DDX4: variants seen among roughly 807,000 people sequenced by gnomAD.
The protein encoded by DDX4 is DEAD-box helicase 4, also known as probable ATP-dependent RNA helicase DDX4.
In DDX4, 25 loss-of-function variants were observed where a neutral mutation model predicts 100.0. The ratio of observed to expected loss-of-function variants is 0.25; its 90% CI spans 0.18 to 0.35. DDX4 has a LOEUF of 0.35. Among genes scored for constraint, DDX4 ranks in the 10% least tolerant of loss-of-function variants. DDX4 has a pLI of 1.00. For synonymous variants in DDX4, 259 were observed against 275.7 expected, an observed-to-expected ratio of 0.94 and a Z score of 0.60; for missense variants, 635 against 882.4, an observed-to-expected ratio of 0.72 and a Z score of 3.55.
At chr5:55,761,865 C>G (rs999724988) in intron 4 of DDX4, among the ~76,000 whole-genome samples, 1 of 152,180 alleles carries the variant, frequency 6.6e-6, no homozygotes. Flanking sequence ...CTGCCTCGGC[C>G]TCCCAGTGTG....
chr5:55,775,375 G>A (rs1246400871), intron 7 of DDX4, among the ~76,000 whole-genome samples: 1 of 152,194 alleles, frequency 6.6e-6, no homozygotes, highest in Non-Finnish European at 1.5e-5. Context: ...TACAAGTTGA[G>A]TTGCCGGGAG....
intron 18 of DDX4, among the ~76,000 whole-genome samples, chr5:55,799,127 G>T (rs993327878): frequency 4.0e-5 from 6 of 151,834 alleles, no homozygotes; most frequent in Non-Finnish European, 8.8e-5. Context: ...TGAAATAATT[G>T]TGTAGTCATA....
intron 15 of DDX4, 32 bp from the exon 16 acceptor site, chr5:55,790,544 T>C: frequency 6.9e-7 from 1 of 1,449,738 alleles, no homozygotes; most frequent in Admixed American, 1.9e-5. Flanking sequence ...TTTAAGTAAC[T>C]AGAAAATAAC....
In DDX4 at chr5:55,781,987, T is replaced by C. The variant is rs544058810; in HGVS notation, c.625+6T>C. On this transcript the variant is annotated splice_donor_region_variant and intron_variant, in intron 10 of 21. Transcript: ENST00000505374. Reference sequence around the variant, plus strand: ...TGGCAGTGGAAGTGAACGAGGTAAGTTCTTATTTTGTTTACCCGAAAGAAG... The same window carrying C: ...TGGCAGTGGAAGTGAACGAGGTAAGCTCTTATTTTGTTTACCCGAAAGAAG... 1 of 1,613,944 alleles carries C rather than the reference T, an allele frequency of 6.2e-7. No homozygotes were observed. The highest frequency in any genetic ancestry group is 2.2e-5 in the East Asian group (1 of 44,850).
At chr5:55,775,613 C>T (rs1394578994) in intron 7 of DDX4, among the ~76,000 whole-genome samples, 1 of 151,934 alleles carries the variant, frequency 6.6e-6, no homozygotes, top group African/African-American at 2.4e-5. Flanking sequence ...TCATTTTATT[C>T]ATTAGTATGT....
chr5:55,739,668 G>A (rs1758872855), intron 2 of DDX4, among the ~76,000 whole-genome samples: 1 of 152,050 alleles, frequency 6.6e-6, no homozygotes, highest in Non-Finnish European at 1.5e-5. Context: ...TGATTTTTTT[G>A]TTCCCCTTCA....
At chr5:55,749,809 CT>C (rs34529525) in intron 3 of DDX4, among the ~76,000 whole-genome samples, 46,032 of 134,708 alleles carry the variant, frequency 0.34, 7,904 homozygotes, top group East Asian at 0.49. Context: ...ATGTGTGTGT[CT>C]TTTTTTTTTT....
chr5:55,790,138 CTTTTTTTT>C (rs35365600), intron 15 of DDX4, among the ~76,000 whole-genome samples: 5 of 102,028 alleles, frequency 4.9e-5, no homozygotes, highest in African/African-American at 1.9e-4. Context: ...AAAATATCAC[CTTTTTTTT>C]TTTTTTTTTT....
intron 2 of DDX4, among the ~76,000 whole-genome samples, chr5:55,740,508 ATT>A (rs111354975): frequency 6.8e-5 from 9 of 132,772 alleles, no homozygotes; most frequent in Admixed American, 7.7e-5. Context: ...TATAACAGTA[ATT>A]TTTTTTTTTT....
At chr5:55,801,628 T>G (rs1188565762) in intron 18 of DDX4, among the ~76,000 whole-genome samples, 3 of 152,184 alleles carry the variant, frequency 2.0e-5, no homozygotes, top group Admixed American at 6.5e-5. Flanking sequence ...AGAGATAGTC[T>G]TGATGACAAG....
chr5:55,790,468 A>T, intron 15 of DDX4, 108 bp from the exon 16 acceptor site: 1 of 765,936 alleles, frequency 1.3e-6, no homozygotes, highest in Non-Finnish European at 2.2e-6. Flanking sequence ...TTTTTTAGAT[A>T]GTTGAATGTT....
At chr5:55,790,248 G>T (rs975551582) in intron 15 of DDX4, among the ~76,000 whole-genome samples, 3 of 148,638 alleles carry the variant, frequency 2.0e-5, no homozygotes, top group African/African-American at 7.4e-5. Context: ...GGGTTCAAGC[G>T]ATTCTCCTGC....
At chr5:55,749,004 A>G (rs1430178093) in intron 3 of DDX4, among the ~76,000 whole-genome samples, 3 of 152,234 alleles carry the variant, frequency 2.0e-5, no homozygotes, top group Non-Finnish European at 4.4e-5. Flanking sequence ...TTTTATAGAA[A>G]TGGAATCGTG....
At chr5:55,807,729 G>A (rs1368331740) in intron 18 of DDX4, among the ~76,000 whole-genome samples, 13 of 152,236 alleles carry the variant, frequency 8.5e-5, no homozygotes, top group East Asian at 1.9e-4. Flanking sequence ...TGGGTAACCC[G>A]ACCTTTCTCT....
At chr5:55,802,816 A>C (rs1170338951) in intron 18 of DDX4, among the ~76,000 whole-genome samples, 1 of 152,226 alleles carries the variant, frequency 6.6e-6, no homozygotes, top group African/African-American at 2.4e-5. Context: ...TGAGGGTCTG[A>C]GGAAGGTTCA....
chr5:55,779,973 A>G lies in DDX4; in HGVS notation c.404A>G (p.Asp135Gly). 6.2e-7 allele frequency: 1 copy of G among 1,613,642 alleles called. No homozygotes were observed. The change falls in exon 8 of 22, where the codon GAT (aspartate) becomes GGT (glycine). Residue 135 changes from aspartate (D) to glycine (G), a missense_variant. By Grantham distance (94) the Asp-to-Gly change is moderately conservative. Coordinates refer to ENST00000505374, the MANE Select transcript of DDX4 (RefSeq NM_024415.3). ...RGFSKRGGYR[D>G]GNNSEASGPY... is the part of the protein sequence containing the mutation. ...TGTTTTAACATTATAGGCTATCGAGATGGAAATAATTCAGAAGCTTCAGGG... is the reference window on the plus strand; with the variant it reads ...TGTTTTAACATTATAGGCTATCGAGGTGGAAATAATTCAGAAGCTTCAGGG...
intron 7 of DDX4, among the ~76,000 whole-genome samples, chr5:55,772,622 G>A (rs984912814): frequency 1.3e-5 from 2 of 152,118 alleles, no homozygotes; most frequent in Admixed American, 6.5e-5. Flanking sequence ...TCATGGGGGC[G>A]CAGATCTCTC....
chr5:55,765,413 A>AAAAAATATATATATATATATATATAT (rs1392558099), intron 6 of DDX4, among the ~76,000 whole-genome samples: 1 of 83,042 alleles, frequency 1.2e-5, no homozygotes, highest in African/African-American at 5.8e-5. Context: ...AAAAAAAAAA[A>AAAAAATATATATATATATATATATAT]ATATATATAT....
At chr5:55,765,710 T>C (rs1313954267) in intron 6 of DDX4, among the ~76,000 whole-genome samples, 1 of 152,146 alleles carries the variant, frequency 6.6e-6, no homozygotes, top group Non-Finnish European at 1.5e-5. Context: ...TGTATAATGA[T>C]GACTATATCT....
Sources: allele counts gnomAD v4.1 joint callset (sites outside exome capture counted in the v4.1 genomes callset), GRCh38; gene constraint gnomAD v4.1.1; transcripts MANE v1.5; gene names NCBI Gene and HGNC (gene_info 2026-07-23, HGNC 2026-07-21).